The following NEB variants were observed in gnomAD, a reference collection of about 807,000 sequenced individuals.
NEB encodes nemaline myopathy type 2.
In NEB, 512 loss-of-function variants were observed where a neutral mutation model predicts 952.2. That is an observed-to-expected ratio of 0.54 (90% CI 0.50 to 0.58). NEB has a LOEUF of 0.58. Ranked by LOEUF, NEB falls within the 20% of genes least tolerant of loss-of-function variation. The pLI is 0.00. For missense variants in NEB, 8,428 were observed against 9,231.1 expected (o/e 0.91, Z 3.56); for synonymous variants, 2,900 against 3,149.8 (o/e 0.92, Z 2.66).
chr2:151,507,930 TG>T, intron 162 of NEB, 74 bp downstream of exon 162: 1 of 1,051,004 alleles, frequency 9.5e-7, no homozygotes, highest in Non-Finnish European at 1.4e-6. Context: ...ACTGCAAGCC[TG>T]GGATATCCAG....
chr2:151,644,979 G>C (rs960000160), intron 55 of NEB, among the ~76,000 whole-genome samples: 1 of 152,170 alleles, frequency 6.6e-6, no homozygotes, highest in African/African-American at 2.4e-5. Context: ...GAGCATGTTA[G>C]TGTAGGCCAC....
At chr2:151,652,088 C>T (rs1325734056) in intron 52 of NEB, among the ~76,000 whole-genome samples, 1 of 152,096 alleles carries the variant, frequency 6.6e-6, no homozygotes, top group Non-Finnish European at 1.5e-5. Flanking sequence ...TGGAAATAGG[C>T]TGCTTTGTGG....
chr2:151,494,389 G>GTA (rs57832702), intron 173 of NEB, 136 bp from the exon 174 acceptor site: 210,595 of 654,452 alleles, frequency 0.32, 35,505 homozygotes, highest in African/African-American at 0.42. Context: ...ATGGAAAGTA[G>GTA]TATGTTTCCT....
At position 151,553,089 on chromosome 2, in the gene NEB, A is replaced by G. The variant is rs2288204; in HGVS notation, c.19731+309T>C. Among the ~76,000 whole-genome samples, 103 of 152,346 alleles carry G rather than the reference A, an allele frequency of 6.8e-4. No homozygotes were observed. In the East Asian group the frequency reaches 0.013, roughly 19 times the overall value. ...AGAGCTTGTCTATAGCATTGCAAAC[A>G]CTAACAAATCACACTTTCCTAAAAT... On this transcript the variant is annotated intron_variant, in intron 127 of 181. Transcript: ENST00000397345.
Position 151,563,618 on chromosome 2 carries a change from C to T in NEB, c.18681G>A (p.Lys6227=). 6.2e-7 allele frequency: 1 copy of T among 1,613,734 alleles called. No individual in the cohort carries two copies. Among genetic ancestry groups the T allele is most frequent in the Non-Finnish European group, 8.5e-7 (1 of 1,179,676 alleles). Residue 6227 remains lysine (K), a synonymous_variant, in exon 119 of 182, where the codon AAG becomes AAA. Coordinates refer to ENST00000397345, the MANE Select transcript of NEB (RefSeq NM_001164508.2). ...PGVVHCLDFQ[K]MRSALNYRKH... is the part of the protein sequence containing the mutation. ...GACATTTACTTACCGCACTCCTCAT[C>T]TTTTGGAAATCCAGACAGTGAACCA... is the stretch of plus-strand genomic sequence containing the variant.
rs115623365 is a variant in NEB, at chr2:151,538,241, G to A, written c.20896C>T (p.Arg6966Cys). The A allele has an allele frequency of 1.9e-4, 301 of 1,603,368 alleles. 2 individuals carry two copies. The highest frequency in any genetic ancestry group is 4.0e-4 in the South Asian group (36 of 90,730). Reference sequence around the variant, plus strand: ...GTCTTTTGAAATGTTTCTTTGTAGCGTAGCTAGAAAGAGAAAAAACACATG... The same window carrying A: ...GTCTTTTGAAATGTTTCTTTGTAGCATAGCTAGAAAGAGAAAAAACACATG... ...KRAYWNASDL[R>C]YKETFQKTKG... The change falls in exon 139 of 182, where the codon CGC (arginine) becomes TGC (cysteine). Residue 6966 changes from arginine (R) to cysteine (C), a missense_variant. Coordinates refer to ENST00000397345, the MANE Select transcript of NEB (RefSeq NM_001164508.2).
intron 40 of NEB, among the ~76,000 whole-genome samples, chr2:151,666,978 C>G (rs931427546): frequency 2.6e-5 from 4 of 151,690 alleles, no homozygotes; most frequent in African/African-American, 9.7e-5. Context: ...GAAATTAATG[C>G]CTTTTTTCTC....
In NEB at chr2:151,713,741, A is replaced by G. The variant is rs779437970; in HGVS notation, c.823-3203T>C. On this transcript the variant is annotated intron_variant, in intron 10 of 181. Coordinates refer to ENST00000397345, the MANE Select transcript of NEB (RefSeq NM_001164508.2). ...ACCTGGAAGGCCTGTTTCTATGAAC[A>G]ACTCTGACTGTTCATCTATGTTAGA... Among the ~76,000 whole-genome samples the G allele has an allele frequency of 2.0e-5, 3 of 152,302 alleles. No individual in the cohort carries two copies. In the East Asian group the frequency reaches 5.8e-4, roughly 29 times the overall value.
chr2:151,557,937 C>A (rs2095775688), intron 124 of NEB, among the ~76,000 whole-genome samples: 1 of 152,224 alleles, frequency 6.6e-6, no homozygotes, highest in Admixed American at 6.5e-5. Flanking sequence ...AAGCTGGAAG[C>A]ATTCCCTTTG....
intron 148 of NEB, 150 bp downstream of exon 148, chr2:151,526,767 GC>G: frequency 6.4e-6 from 4 of 624,942 alleles, no homozygotes; most frequent in Non-Finnish European, 8.5e-6. Flanking sequence ...GACTGCTGGC[GC>G]CCCTCACAGG....
Position 151,491,700 on chromosome 2 carries a change from C to G in NEB, c.25133G>C (p.Ser8378Thr). Residue 8378 changes from serine (S) to threonine (T), a missense_variant, in exon 179 of 182, where the codon AGC (serine) becomes ACC (threonine). Physicochemically the swap from Ser to Thr is moderately conservative, Grantham distance 58 (BLOSUM62 1). Coordinates refer to ENST00000397345, the MANE Select transcript of NEB (RefSeq NM_001164508.2). Reference sequence around the variant, plus strand: ...TAACACACCATTAATCATGTGTAAGCTTCGGGACTGGATGTTGTCTTCTGC... The same window carrying G: ...TAACACACCATTAATCATGTGTAAGGTTCGGGACTGGATGTTGTCTTCTGC... ...DPAEDNIQSR[S>T]LHMINVQAQR... 6.3e-7 allele frequency: 1 copy of G among 1,595,094 alleles called. No individual in the cohort carries two copies. Among genetic ancestry groups the G allele is most frequent in the South Asian group, 1.1e-5 (1 of 87,564 alleles).
chr2:151,680,909 G>C, intron 29 of NEB, 81 bp from the exon 30 acceptor site: 2 of 1,137,784 alleles, frequency 1.8e-6, no homozygotes, highest in Admixed American at 3.5e-5. Flanking sequence ...AATTTATTTT[G>C]AAGCGAAAAG....
At chr2:151,647,937 A>AGATTATGTGATGTGTGATT (rs1175432859) in intron 54 of NEB, among the ~76,000 whole-genome samples, 2 of 152,252 alleles carry the variant, frequency 1.3e-5, no homozygotes, top group African/African-American at 2.4e-5. Flanking sequence ...TAATCATCAC[A>AGATTATGTGATGTGTGATT]ATGTGATTAT....
At chr2:151,506,774 T>C in intron 163 of NEB, 135 bp downstream of exon 163, 1 of 641,128 alleles carries the variant, frequency 1.6e-6, no homozygotes, top group South Asian at 1.9e-5. Flanking sequence ...TATTGGGGAT[T>C]TTAGCAAATC....
At chr2:151,609,047 G>A (rs1056858616) in intron 81 of NEB, among the ~76,000 whole-genome samples, 1 of 148,432 alleles carries the variant, frequency 6.7e-6, no homozygotes, top group Non-Finnish European at 1.5e-5. Flanking sequence ...AATAAAACAT[G>A]AAAGTACATC....
chr2:151,490,369 T>C lies in NEB; in HGVS notation c.25297+3A>G. 4.4e-6 allele frequency: 7 copies of C among 1,587,346 alleles called. No homozygotes were observed. The highest frequency in any genetic ancestry group is 6.0e-6 in the Non-Finnish European group (7 of 1,165,682). On this transcript the variant is annotated splice_donor_region_variant and intron_variant, in intron 180 of 181. Coordinates refer to ENST00000397345, the MANE Select transcript of NEB (RefSeq NM_001164508.2). The stretch of plus-strand genomic sequence containing the variant: ...TGCCAAAATCAGCGCCAGGCACTTG[T>C]ACCTGTTGAGACTGCAAAGACACCC...
At chr2:151,487,452 A>T (rs1326096524) in intron 181 of NEB, among the ~76,000 whole-genome samples, 1 of 152,180 alleles carries the variant, frequency 6.6e-6, no homozygotes, top group African/African-American at 2.4e-5. Context: ...TCCCCTTTGC[A>T]TAAGTGGAAC....
rs2099203551 is a variant in NEB at position 151,665,487 on chromosome 2, G to A, written c.5084C>T (p.Pro1695Leu). The change falls in exon 42 of 182, where the codon CCC becomes CTC. Residue 1695 changes from proline to leucine, a missense_variant. Physicochemically the swap from Pro to Leu is moderately conservative, Grantham distance 98. This residue lies in a region of NEB where 2,851 missense variants were observed against 2,791.5 expected (regional missense o/e 1.02). Coordinates refer to ENST00000397345, the MANE Select transcript of NEB (RefSeq NM_001164508.2). ...CTTCTCCACCTCCAGGGACTCTATGGGCACCCAGCCGATCCCTTTCATCCA... is the reference window on the plus strand; with the variant it reads ...CTTCTCCACCTCCAGGGACTCTATGAGCACCCAGCCGATCCCTTTCATCCA... ...TNWMKGIGWV[P>L]IESLEVEKAK... 3 of 1,612,396 alleles carry A rather than the reference G, an allele frequency of 1.9e-6. No individual in the cohort carries two copies. Among genetic ancestry groups the A allele is most frequent in the East Asian group, 2.2e-5 (1 of 44,848 alleles).
In NEB at chr2:151,562,659, T is replaced by C. The variant is rs747383643; in HGVS notation, c.18843A>G (p.Glu6281=). The change falls in exon 120 of 182, where the codon GAA becomes GAG. Residue 6281 remains glutamate, a synonymous_variant. Transcript: ENST00000397345. ...HYFHQWTSLL[E]EPNVIRVRNA... is the part of the protein sequence containing the mutation. ...TTCGGACGCGTATAACATTGGGTTC[T>C]TCCAGAAGAGACGTCCACTGGTGGA... The C allele has an allele frequency of 6.3e-7, 1 of 1,598,482 alleles. No homozygotes were observed. The highest frequency in any genetic ancestry group is 8.6e-7 in the Non-Finnish European group (1 of 1,167,918).
Sources: allele counts gnomAD v4.1 joint callset (sites outside exome capture counted in the v4.1 genomes callset), GRCh38; gene constraint gnomAD v4.1.1; regional missense constraint gnomAD v4.1.1; transcripts MANE v1.5; gene names NCBI Gene and HGNC (gene_info 2026-07-23, HGNC 2026-07-21).